AHNAK2: variants seen among roughly 807,000 people sequenced by gnomAD.
AHNAK2 encodes AHNAK nucleoprotein 2.
AHNAK2 carries 18 observed loss-of-function variants against 30.7 expected under a neutral mutation model. That is an observed-to-expected ratio of 0.59 (90% confidence interval 0.41 to 0.87). AHNAK2 has a LOEUF of 0.87. Ranked by LOEUF, AHNAK2 falls within the 40% of genes least tolerant of loss-of-function variation. The probability of loss-of-function intolerance (pLI) is 0.00; values close to 1 mark genes in which losing one functional copy is unlikely to be tolerated. For synonymous variants in AHNAK2, 3,590 were observed against 3,073.8 expected, an observed-to-expected ratio of 1.17 and a Z score of -5.56; for missense variants, 8,604 against 7,373.0, an observed-to-expected ratio of 1.17 and a Z score of -6.11.
At chr14:104,956,768 C>A in intron 3 of AHNAK2, 79 bp from the exon 4 acceptor site, 2 of 1,379,676 alleles carry the variant, frequency 1.4e-6, no homozygotes, top group South Asian at 1.2e-5. Context: ...TGGTGCCAGA[C>A]CAGGAGCCCT....
Position 104,940,093 on chromosome 14 carries a change from G to C in AHNAK2, c.15358C>G (p.Leu5120Val), listed in dbSNP as rs750629813. The C allele has an allele frequency of 6.2e-7, 1 of 1,613,176 alleles. No individual in the cohort carries two copies. The highest frequency in any genetic ancestry group is 8.5e-7 in the Non-Finnish European group (1 of 1,179,884). The change falls in exon 7 of 7, where the codon CTG (leucine) becomes GTG (valine). Residue 5120 changes from leucine (L) to valine (V), a missense_variant. Transcript: ENST00000333244. The surrounding 1 kb of genome is among the most constrained non-coding windows in gnomAD (Gnocchi z 4.4). ...KVEVSQPEAD[L>V]PLPKHDLSTE... is the part of the protein sequence containing the mutation. ...GACAGATCATGTTTGGGAAGAGGCA[G>C]GTCAGCTTCAGGCTGGCTCACCTCC...
rs1018817321 is a variant in AHNAK2 at position 104,966,303 on chromosome 14, C to T, written c.56-8631G>A. On this transcript the variant is annotated intron_variant, in intron 1 of 6. Transcript: ENST00000333244. This position sits in a 1 kb window ranked among gnomAD's most constrained non-coding sequence, Gnocchi z 4.3. Reference sequence around the variant, plus strand: ...AACCCCCCAGCAGAGCCACAACCTCCGTTTCCCCCACCTGCCAAACCAGCC... The same window carrying T: ...AACCCCCCAGCAGAGCCACAACCTCTGTTTCCCCCACCTGCCAAACCAGCC... Among the ~76,000 whole-genome samples the T allele has an allele frequency of 1.2e-4, 19 of 152,108 alleles. No individual in the cohort carries two copies. The highest frequency in any genetic ancestry group is 2.2e-4 in the Non-Finnish European group (15 of 68,008).
At position 104,948,306 on chromosome 14, in the gene AHNAK2, A is replaced by T. The variant is rs757645127; in HGVS notation, c.7145T>A (p.Val2382Glu). Reference protein sequence around the residue: ...SADLEVQAGQVDVKLPEGPVP... With the variant: ...SADLEVQAGQEDVKLPEGPVP... The stretch of plus-strand genomic sequence containing the variant: ...GGGGCCCTCTGGGAGTTTCACATCC[A>T]CTTGGCCAGCCTGGACCTCCAGGTC... Residue 2382 changes from valine to glutamate, a missense_variant, in exon 7 of 7, where the codon GTG becomes GAG. By Grantham distance (121) the Val-to-Glu change is moderately radical. Transcript: ENST00000333244. 4.3e-6 allele frequency: 7 copies of T among 1,611,862 alleles called. No individual in the cohort carries two copies. In the African/African-American group the frequency reaches 8.1e-5, roughly 19 times the overall value.
At chr14:104,957,972 G>A (rs149070259) in intron 1 of AHNAK2, among the ~76,000 whole-genome samples, 191 of 152,292 alleles carry the variant, frequency 1.3e-3, no homozygotes, top group African/African-American at 4.4e-3. Flanking sequence ...CACACCCTGG[G>A]AGGATCAGAA....
chr14:104,952,649 G>A lies in AHNAK2; in HGVS notation c.2802C>T (p.Pro934=). 6.2e-7 allele frequency: 1 copy of A among 1,612,172 alleles called. No individual in the cohort carries two copies. The highest frequency in any genetic ancestry group is 2.2e-5 in the East Asian group (1 of 44,736). The stretch of plus-strand genomic sequence containing the variant: ...GCTTGGGGCCCTTAACATCTATCTG[G>A]GGGCCCTTGAGGTCCACTTTGGGCA... The part of the protein sequence containing the change: ...FKMPKVDLKG[P]QIDVKGPKLD... The change falls in exon 7 of 7, where the codon CCC becomes CCT. Residue 934 remains proline (P), a synonymous_variant. Transcript: ENST00000333244.
rs200268082 is a variant in AHNAK2, at chr14:104,946,427, C to T, written c.9024G>A (p.Val3008=). 2.4e-5 allele frequency: 39 copies of T among 1,612,714 alleles called. No homozygotes were observed. The highest frequency in any genetic ancestry group is 2.8e-5 in the Non-Finnish European group (33 of 1,179,614). ...TGGAGGGGAGGCTCACTTCGGCCTC[C>T]ACCTTCGGCGCAGACACATCCACCG... is the stretch of plus-strand genomic sequence containing the variant. ...EVSVDVSAPK[V]EAEVSLPSMQ... is the part of the protein sequence containing the mutation. The change falls in exon 7 of 7, where the codon GTG becomes GTA. Residue 3008 remains valine (V), a synonymous_variant. Transcript: ENST00000333244.
rs201374182 is a variant in AHNAK2, at chr14:104,950,086, C to T, written c.5365G>A (p.Val1789Met). The T allele has an allele frequency of 6.1e-4, 971 of 1,585,324 alleles. 103 individuals carry two copies. In the Middle Eastern group the frequency reaches 9.5e-3, roughly 15 times the overall value. Residue 1789 changes from valine to methionine, a missense_variant, in exon 7 of 7, where the codon GTG becomes ATG. Coordinates refer to ENST00000333244, the MANE Select transcript of AHNAK2 (RefSeq NM_138420.4). ...CCTGGAGCCTCGACGTCCACCTCCACGCTGGGCAGAGACACCTCCACGTCG... is the reference window on the plus strand; with the variant it reads ...CCTGGAGCCTCGACGTCCACCTCCATGCTGGGCAGAGACACCTCCACGTCG... ...APDVEVSLPS[V>M]EVDVEAPGAK...
chr14:104,963,723 G>A (rs1244151426), intron 1 of AHNAK2, among the ~76,000 whole-genome samples: 3 of 151,766 alleles, frequency 2.0e-5, no homozygotes, highest in Non-Finnish European at 2.9e-5. Flanking sequence ...CCAGCTACTC[G>A]GGAGGCTGAG....
intron 1 of AHNAK2, among the ~76,000 whole-genome samples, chr14:104,976,661 G>C (rs1381259455): frequency 1.3e-5 from 2 of 152,220 alleles, no homozygotes; most frequent in African/African-American, 4.8e-5. Flanking sequence ...GACACAGGGA[G>C]GGACTGCCCC....
In AHNAK2 at chr14:104,939,312, G is replaced by A. The variant is rs950731641; in HGVS notation, c.16139C>T (p.Ser5380Phe). ...VVNVDQLWED[S>F]VLTVKFPKLM... is the part of the protein sequence containing the mutation. ...TTTGGGGAATTTGACAGTTAGGACA[G>A]AATCTTCCCACAGTTGATCCACATT... The change falls in exon 7 of 7, where the codon TCT becomes TTT. Residue 5380 changes from serine (S) to phenylalanine (F), a missense_variant. Physicochemically the swap from Ser to Phe is radical, Grantham distance 155 (BLOSUM62 -2). Transcript: ENST00000333244. 48 of 1,613,692 alleles carry A rather than the reference G, an allele frequency of 3.0e-5. No homozygotes were observed. Among genetic ancestry groups the A allele is most frequent in the Non-Finnish European group, 3.9e-5 (46 of 1,179,854 alleles).
intron 1 of AHNAK2, among the ~76,000 whole-genome samples, chr14:104,961,376 A>T (rs1035683711): frequency 2.8e-4 from 43 of 151,942 alleles, no homozygotes; most frequent in Middle Eastern, 3.4e-3. Flanking sequence ...TAGCCGGGCG[A>T]GGTGGCGGGC....
Position 104,949,916 on chromosome 14 carries a change from C to T in AHNAK2, c.5535G>A (p.Ser1845=), listed in dbSNP as rs199771853. The change falls in exon 7 of 7, where the codon TCG becomes TCA. Residue 1845 remains serine (S), a synonymous_variant. Transcript: ENST00000333244. ...VSAPGKSIEA[S]VDVSAPKVEA... ...CCACCTTCGGCGCAGACACATCCACCGAGGCCTCGATGGACTTGCCTGGGG... is the reference window on the plus strand; with the variant it reads ...CCACCTTCGGCGCAGACACATCCACTGAGGCCTCGATGGACTTGCCTGGGG... The T allele has an allele frequency of 1.4e-3, 2,153 of 1,587,956 alleles. 95 individuals carry two copies. In the East Asian group the frequency reaches 0.025, roughly 18 times the overall value.
Position 104,940,066 on chromosome 14 carries a change from T to G in AHNAK2, c.15385A>C (p.Thr5129Pro). 3 of 1,611,596 alleles carry G rather than the reference T, an allele frequency of 1.9e-6. No homozygotes were observed. The highest frequency in any genetic ancestry group is 2.5e-6 in the Non-Finnish European group (3 of 1,178,478). ...CCACATCCTCTGCTGTCACCTTCGG[T>G]AGACAGATCATGTTTGGGAAGAGGC... ...DLPLPKHDLS[T>P]EGDSRGCGLG... Residue 5129 changes from threonine to proline, a missense_variant, in exon 7 of 7, where the codon ACC (threonine) becomes CCC (proline). Thr to Pro is a conservative substitution (Grantham distance 38). Coordinates refer to ENST00000333244, the MANE Select transcript of AHNAK2 (RefSeq NM_138420.4). The surrounding 1 kb of genome is among the most constrained non-coding windows in gnomAD (Gnocchi z 4.4).
rs538038172 is a variant in AHNAK2, at chr14:104,947,655, T to C, written c.7796A>G (p.Lys2599Arg). 4.3e-6 allele frequency: 7 copies of C among 1,613,144 alleles called. No individual in the cohort carries two copies. In the East Asian group the frequency reaches 1.6e-4, roughly 36 times the overall value. Residue 2599 changes from lysine (K) to arginine (R), a missense_variant, in exon 7 of 7, where the codon AAG becomes AGG. By Grantham distance (26) the Lys-to-Arg change is conservative. Transcript: ENST00000333244. Reference protein sequence around the residue: ...KGPKLDLKGPKAEVTAPDVEM... With the variant: ...KGPKLDLKGPRAEVTAPDVEM... ...CACATCGGGGGCTGTCACTTCCGCCTTGGGGCCTTTCAGGTCCAGCTTGGG... is the reference window on the plus strand; with the variant it reads ...CACATCGGGGGCTGTCACTTCCGCCCTGGGGCCTTTCAGGTCCAGCTTGGG...
At chr14:104,956,153 T>C (rs1898969264) in intron 4 of AHNAK2, among the ~76,000 whole-genome samples, 1 of 152,152 alleles carries the variant, frequency 6.6e-6, no homozygotes, top group Non-Finnish European at 1.5e-5. Context: ...GGAAAAAAAC[T>C]AGTTGCTTAA....
Position 104,950,681 on chromosome 14 carries a change from G to A in AHNAK2, c.4770C>T (p.Asp1590=), listed in dbSNP as rs372879704. 62 of 1,587,484 alleles carry A rather than the reference G, an allele frequency of 3.9e-5. 7 individuals carry two copies. The Middle Eastern group carries it at 5.0e-4, about 13-fold the overall frequency. ...QMPSFKMPKV[D]LKGPQIDVKG... The stretch of plus-strand genomic sequence containing the variant: ...TAACATCTATCTGGGGCCCCTTGAG[G>A]TCCACTTTGGGCATCTTGAAACTGG... Residue 1590 remains aspartate, a synonymous_variant, in exon 7 of 7, where the codon GAC becomes GAT. Transcript: ENST00000333244.
At position 104,949,947 on chromosome 14, in the gene AHNAK2, A is replaced by G. The variant is rs144488514; in HGVS notation, c.5504T>C (p.Val1835Ala). ...CTCGATGGACTTGCCTGGGGCAGACACCCCGAACGACGGCATCTTGAACTT... is the reference window on the plus strand; with the variant it reads ...CTCGATGGACTTGCCTGGGGCAGACGCCCCGAACGACGGCATCTTGAACTT... ...MPKFKMPSFG[V>A]SAPGKSIEAS... Residue 1835 changes from valine to alanine, a missense_variant, in exon 7 of 7, where the codon GTG (valine) becomes GCG (alanine). By Grantham distance (64) the Val-to-Ala change is moderately conservative. Transcript: ENST00000333244. The G allele has an allele frequency of 9.2e-3, 14,655 of 1,587,600 alleles. 1,439 individuals carry two copies. In the East Asian group the frequency reaches 0.093, roughly 10 times the overall value.
intron 1 of AHNAK2, among the ~76,000 whole-genome samples, chr14:104,976,487 G>A (rs1899594865): frequency 6.6e-6 from 1 of 152,304 alleles, no homozygotes. Context: ...AGTTGGCAGG[G>A]TGCTTGTCAG....
Position 104,946,638 on chromosome 14 carries a change from T to A in AHNAK2, c.8813A>T (p.Glu2938Val). ...CACCTCCACGCTGGGCAGAGACACC[T>A]CCACGTCGGGGGCCGTCACCTCCGC... ...PKAEVTAPDV[E>V]VSLPSVEVDV... Residue 2938 changes from glutamate to valine, a missense_variant, in exon 7 of 7, where the codon GAG becomes GTG. By Grantham distance (121) the Glu-to-Val change is moderately radical. Transcript: ENST00000333244. 1 of 1,612,720 alleles carries A rather than the reference T, an allele frequency of 6.2e-7. No individual in the cohort carries two copies. Among genetic ancestry groups the A allele is most frequent in the Non-Finnish European group, 8.5e-7 (1 of 1,179,684 alleles).
Sources: allele counts gnomAD v4.1 joint callset (sites outside exome capture counted in the v4.1 genomes callset), GRCh38; gene constraint gnomAD v4.1.1; non-coding constraint Gnocchi (gnomAD v3.1); transcripts MANE v1.5; gene names NCBI Gene and HGNC (gene_info 2026-07-23, HGNC 2026-07-21).